RTKN2: variants seen among roughly 807,000 people sequenced by gnomAD.
RTKN2 encodes rhotekin 2.
RTKN2 carries 69 observed loss-of-function variants against 71.5 expected under a neutral mutation model. That is an observed-to-expected ratio of 0.96 (90% CI 0.79 to 1.18). The LOEUF is 1.18. RTKN2 is among the 50% of genes most tolerant of loss of function. RTKN2 has a pLI of 0.00. For missense variants in RTKN2, 724 were observed against 719.7 expected, an observed-to-expected ratio of 1.01 and a Z score of -0.07; for synonymous variants, 236 against 236.5, an observed-to-expected ratio of 1.00 and a Z score of 0.02.
chr10:62,194,666 C>A lies in RTKN2; in HGVS notation c.*3242G>T, dbSNP rs1490868666. The A allele has an allele frequency of 1.0e-6, 1 of 985,168 alleles. No homozygotes were observed. Among genetic ancestry groups the A allele is most frequent in the African/African-American group, 1.7e-5 (1 of 57,208 alleles). 61.0% of individuals were successfully genotyped at this position (985,168 alleles called of 1,614,324 possible). A position where few individuals can be genotyped will look rare whatever the true frequency, so the allele number is the denominator to read the frequency against. On this transcript the variant is annotated 3_prime_UTR_variant, in exon 12 of 12. Coordinates refer to ENST00000373789, the MANE Select transcript of RTKN2 (RefSeq NM_145307.4). Reference sequence around the variant, plus strand: ...ATTTAACATAAATTGCACCAAACTGCCCTATAATTTCATTTTGGACTGAAT... The same window carrying A: ...ATTTAACATAAATTGCACCAAACTGACCTATAATTTCATTTTGGACTGAAT...
chr10:62,234,207 T>C (rs1362361400), intron 6 of RTKN2, among the ~76,000 whole-genome samples: 1 of 152,038 alleles, frequency 6.6e-6, no homozygotes, highest in Non-Finnish European at 1.5e-5. Context: ...TCAAAGAGAA[T>C]GGCAGATTGA....
At chr10:62,206,105 C>T (rs1841543269) in intron 9 of RTKN2, among the ~76,000 whole-genome samples, 1 of 152,098 alleles carries the variant, frequency 6.6e-6, no homozygotes, top group African/African-American at 2.4e-5. Context: ...ACTAAGCCTT[C>T]AAAATCCAGT....
At position 62,215,141 on chromosome 10, in the gene RTKN2, T is replaced by G. The variant is rs1340268033; in HGVS notation, c.1020+1977A>C. On this transcript the variant is annotated intron_variant, in intron 9 of 11. Transcript: ENST00000373789. ...TTACATTTTATTTTATGACTGAATA[T>G]TCTATGGTATAAAATATAAGAAAAA... 3 of 1,124,434 alleles carry G rather than the reference T, an allele frequency of 2.7e-6. No homozygotes were observed. In the Admixed American group the frequency reaches 7.5e-5, roughly 28 times the overall value. 69.7% of individuals were successfully genotyped at this position (1,124,434 alleles called of 1,614,324 possible).
intron 6 of RTKN2, among the ~76,000 whole-genome samples, chr10:62,224,201 A>G (rs958466704): frequency 1.3e-5 from 2 of 152,108 alleles, no homozygotes; most frequent in Admixed American, 6.6e-5. Context: ...TAGAAGGAGG[A>G]ATTAGTGTTC....
chr10:62,263,171 A>T (rs1433679884), intron 1 of RTKN2, among the ~76,000 whole-genome samples: 1 of 152,200 alleles, frequency 6.6e-6, no homozygotes, highest in Non-Finnish European at 1.5e-5. Context: ...TTGCAGATGT[A>T]ATTAGGTAAA....
Position 62,198,112 on chromosome 10 carries a change from A to G in RTKN2, c.1626T>C (p.Asp542=). The G allele has an allele frequency of 6.2e-7, 1 of 1,614,158 alleles. No individual in the cohort carries two copies. Among genetic ancestry groups the G allele is most frequent in the Non-Finnish European group, 8.5e-7 (1 of 1,180,000 alleles). The change falls in exon 12 of 12, where the codon GAT becomes GAC. Residue 542 remains aspartate (D), a synonymous_variant. Coordinates refer to ENST00000373789, the MANE Select transcript of RTKN2 (RefSeq NM_145307.4). ...GATGCATTAGAGTTGATAGTTTGGT[A>G]TCCAAAGACGATGTCTGAGATACAC... ...KTSVSQTSSL[D]TKLSTLMHHL...
At chr10:62,249,086 A>AGT (rs1842529165) in intron 2 of RTKN2, among the ~76,000 whole-genome samples, 3 of 152,180 alleles carry the variant, frequency 2.0e-5, no homozygotes, top group African/African-American at 7.2e-5. Context: ...CTTTAAATAC[A>AGT]AGTTTTATTA....
At position 62,224,312 on chromosome 10, in the gene RTKN2, A is replaced by G. The variant is rs139422079; in HGVS notation, c.687-980T>C. Reference sequence around the variant, plus strand: ...ATGTACTTAATGCCTCTGAATGTATATTCAAGAATGCTTTACTACAAAAAA... The same window carrying G: ...ATGTACTTAATGCCTCTGAATGTATGTTCAAGAATGCTTTACTACAAAAAA... On this transcript the variant is annotated intron_variant, in intron 6 of 11. Coordinates refer to ENST00000373789, the MANE Select transcript of RTKN2 (RefSeq NM_145307.4). 3.2e-3 allele frequency among the ~76,000 whole-genome samples: 448 copies of G among 139,204 alleles called. 1 individual carries two copies. The highest frequency in any genetic ancestry group is 0.011 in the African/African-American group (421 of 37,050). The allele number at this position is 139,204 out of a possible 152,430, so 91.3% of individuals were successfully genotyped here. A position where few individuals can be genotyped will look rare whatever the true frequency, so the allele number is the denominator to read the frequency against.
At chr10:62,244,669 A>T (rs755865419) in intron 3 of RTKN2, among the ~76,000 whole-genome samples, 2 of 152,200 alleles carry the variant, frequency 1.3e-5, no homozygotes, top group Non-Finnish European at 2.9e-5. Context: ...GCACATAATG[A>T]ACAATACCAC....
Position 62,197,715 on chromosome 10 carries a change from T to C in RTKN2, c.*193A>G. Reference sequence around the variant, plus strand: ...TCTTGCACACTGCTGGAGAAATCACTTACATTCTGCAAATCAGGAGTAAAA... The same window carrying C: ...TCTTGCACACTGCTGGAGAAATCACCTACATTCTGCAAATCAGGAGTAAAA... On this transcript the variant is annotated 3_prime_UTR_variant, in exon 12 of 12. Transcript: ENST00000373789. The C allele has an allele frequency of 1.4e-6, 2 of 1,404,558 alleles. No individual in the cohort carries two copies. The highest frequency in any genetic ancestry group is 2.9e-5 in the African/African-American group (2 of 69,110). The allele number at this position is 1,404,558 out of a possible 1,614,324, so 87.0% of individuals were successfully genotyped here.
intron 10 of RTKN2, among the ~76,000 whole-genome samples, chr10:62,203,501 C>T (rs1209349088): frequency 3.3e-5 from 5 of 152,058 alleles, no homozygotes; most frequent in Admixed American, 6.6e-5. Context: ...CGTGCCATCA[C>T]GCCTGGCTAA....
intron 3 of RTKN2, among the ~76,000 whole-genome samples, chr10:62,243,596 C>G (rs1367564703): frequency 6.6e-6 from 1 of 152,100 alleles, no homozygotes; most frequent in East Asian, 1.9e-4. Context: ...GATATCAGCT[C>G]CACAAGAGGA....
chr10:62,222,257 C>CTTTTTTTTTTTTTTTTT (rs1394285404), intron 7 of RTKN2, among the ~76,000 whole-genome samples: 4 of 151,934 alleles, frequency 2.6e-5, no homozygotes, highest in African/African-American at 9.7e-5. Context: ...TACATGCATG[C>CTTTTTTTTTTTTTTTTT]ACGACCATGG....
rs1165859529 is a variant in RTKN2 at position 62,198,382 on chromosome 10, C to T, written c.1356G>A (p.Glu452=). 1.3e-6 allele frequency: 2 copies of T among 1,596,572 alleles called. No homozygotes were observed. Among genetic ancestry groups the T allele is most frequent in the African/African-American group, 2.7e-5 (2 of 73,824 alleles). ...LTDIIQKKIE[E]TNGQFLIGQH... Reference sequence around the variant, plus strand: ...GACCAATAAGGAACTGCCCATTTGTCTCTTCAATTTTTTTTTGTATTATAT... The same window carrying T: ...GACCAATAAGGAACTGCCCATTTGTTTCTTCAATTTTTTTTTGTATTATAT... The change falls in exon 12 of 12, where the codon GAG becomes GAA. Residue 452 remains glutamate (E), a synonymous_variant. Transcript: ENST00000373789.
intron 9 of RTKN2, among the ~76,000 whole-genome samples, chr10:62,206,204 G>A (rs145355942): frequency 1.4e-3 from 217 of 152,198 alleles, no homozygotes; most frequent in African/African-American, 5.0e-3. Flanking sequence ...CTACTGCACT[G>A]TACATAGTGG....
At position 62,195,720 on chromosome 10, in the gene RTKN2, G is replaced by A. The variant is rs551583147; in HGVS notation, c.*2188C>T. ...CACTCCTTAGGTAAGGGGTAAATTA[G>A]CATTTCAGGAGCTGAAGACACCAGA... On this transcript the variant is annotated 3_prime_UTR_variant, in exon 12 of 12. Transcript: ENST00000373789. 4.1e-6 allele frequency: 4 copies of A among 985,204 alleles called. No homozygotes were observed. The African/African-American group carries it at 7.0e-5, about 17-fold the overall frequency. The allele number at this position is 985,204 out of a possible 1,614,324, so 61.0% of individuals were successfully genotyped here.
Position 62,202,144 on chromosome 10 carries a change from C to T in RTKN2, c.1187-2283G>A, listed in dbSNP as rs549867739. Among the ~76,000 whole-genome samples, 21 of 152,272 alleles carry T rather than the reference C, an allele frequency of 1.4e-4. No homozygotes were observed. The South Asian group carries it at 3.9e-3, about 29-fold the overall frequency. ...CTCCACTCCTATTGACCATCCAGAA[C>T]ATGGGTCACTCCTCTTTTACATGAC... is the stretch of plus-strand genomic sequence containing the variant. On this transcript the variant is annotated intron_variant, in intron 10 of 11. Coordinates refer to ENST00000373789, the MANE Select transcript of RTKN2 (RefSeq NM_145307.4).
intron 6 of RTKN2, among the ~76,000 whole-genome samples, chr10:62,235,084 G>A (rs1039934621): frequency 2.6e-5 from 4 of 151,908 alleles, no homozygotes; most frequent in Non-Finnish European, 5.9e-5. Flanking sequence ...TCAAAATATG[G>A]AAAATTCTAC....
chr10:62,214,388 T>A (rs929417059), intron 9 of RTKN2, among the ~76,000 whole-genome samples: 2 of 152,160 alleles, frequency 1.3e-5, no homozygotes, highest in African/African-American at 4.8e-5. Flanking sequence ...ATAATTTTCC[T>A]GTGATATGTA....
Sources: gnomAD v4.1 joint callset for allele counts (sites outside exome capture counted in the v4.1 genomes callset) on GRCh38, gnomAD v4.1.1 for gene constraint, MANE v1.5 for transcripts, NCBI Gene and HGNC (gene_info 2026-07-23, HGNC 2026-07-21) for gene names.